The following CFAP61 variants were observed in gnomAD, a reference collection of about 807,000 sequenced individuals.
CFAP61 encodes cilia- and flagella-associated protein 61.
Under a neutral mutation model 135.6 loss-of-function variants are expected in CFAP61, and 107 were observed. The ratio of observed to expected loss-of-function variants is 0.79; its 90% CI spans 0.67 to 0.93. The LOEUF (loss-of-function observed/expected upper bound fraction) is 0.93, where lower values mean the gene tolerates loss of function less well. Among genes scored for constraint, CFAP61 ranks in the 40% least tolerant of loss-of-function variants. The pLI is 0.00. For missense variants in CFAP61, 1,507 were observed against 1,556.2 expected (o/e 0.97, Z 0.53); for synonymous variants, 575 against 578.5 (o/e 0.99, Z 0.09).
chr20:20,342,285 A>ATG lies in CFAP61; in HGVS notation c.3513+376_3513+377dup, dbSNP rs887046189. 3.9e-5 allele frequency among the ~76,000 whole-genome samples: 6 copies of ATG among 151,940 alleles called. 1 individual carries two copies. Among genetic ancestry groups the ATG allele is most frequent in the East Asian group, 3.9e-4 (2 of 5,184 alleles). ...TGTTTGCCAGCCATTTGCGGAACAT[A>ATG]TGTGTGTGTGTGTTCTTTTAAAGAT... is the stretch of plus-strand genomic sequence containing the variant. On this transcript the variant is annotated intron_variant, in intron 26 of 26. Coordinates refer to ENST00000245957, the MANE Select transcript of CFAP61 (RefSeq NM_015585.4).
chr20:20,295,387 A>G (rs1399187488), intron 24 of CFAP61, among the ~76,000 whole-genome samples: 2 of 152,164 alleles, frequency 1.3e-5, no homozygotes, highest in Admixed American at 6.5e-5. Context: ...GGCCTGGGGA[A>G]GCCTGGCAGA....
At chr20:20,191,620 A>G (rs2055927136) in intron 15 of CFAP61, among the ~76,000 whole-genome samples, 1 of 152,134 alleles carries the variant, frequency 6.6e-6, no homozygotes, top group African/African-American at 2.4e-5. Context: ...AATATTTAAT[A>G]TATTACAAAG....
chr20:20,313,528 C>T (rs1444384320), intron 25 of CFAP61, among the ~76,000 whole-genome samples: 2 of 152,174 alleles, frequency 1.3e-5, no homozygotes, highest in Admixed American at 6.5e-5. Context: ...CCACTGGACA[C>T]GTCTGTGTAG....
chr20:20,132,366 C>A (rs1210727731), intron 8 of CFAP61, among the ~76,000 whole-genome samples: 1 of 151,778 alleles, frequency 6.6e-6, no homozygotes, highest in African/African-American at 2.4e-5. Context: ...TTTTACTAGG[C>A]TTTAGTTTAA....
chr20:20,345,971 G>A (rs1007173931), intron 26 of CFAP61, among the ~76,000 whole-genome samples: 1 of 128,480 alleles, frequency 7.8e-6, no homozygotes, highest in East Asian at 2.5e-4. Flanking sequence ...GCGCAATCTC[G>A]GCTCACTGCA....
At chr20:20,252,054 T>G (rs527780320) in intron 20 of CFAP61, among the ~76,000 whole-genome samples, 20 of 152,364 alleles carry the variant, frequency 1.3e-4, no homozygotes, top group Admixed American at 3.9e-4. Flanking sequence ...TAACACATAC[T>G]GCTCGCCCTA....
At chr20:20,344,091 T>C (rs1360891052) in intron 26 of CFAP61, among the ~76,000 whole-genome samples, 1 of 152,170 alleles carries the variant, frequency 6.6e-6, no homozygotes, top group Non-Finnish European at 1.5e-5. Context: ...ATTTGCAGCA[T>C]TTCGTTTGTC....
intron 18 of CFAP61, 152 bp downstream of exon 18, chr20:20,228,528 T>C: frequency 1.6e-6 from 1 of 618,818 alleles, no homozygotes; most frequent in Admixed American, 2.7e-5. Context: ...TAGAAGAATA[T>C]TCTAGATCAG....
intron 15 of CFAP61, 123 bp downstream of exon 15, chr20:20,191,542 G>A: frequency 1.6e-6 from 1 of 607,882 alleles, no homozygotes; most frequent in South Asian, 2.4e-5. Flanking sequence ...TTTTTCTGAT[G>A]GATATCATCA....
chr20:20,223,712 A>G (rs2048547163), intron 17 of CFAP61, among the ~76,000 whole-genome samples: 1 of 152,222 alleles, frequency 6.6e-6, no homozygotes, highest in Admixed American at 6.5e-5. Context: ...CAATGAAATT[A>G]TATTTTGACC....
chr20:20,200,616 C>A, intron 17 of CFAP61: 1 of 753,816 alleles, frequency 1.3e-6, no homozygotes, highest in Non-Finnish European at 1.6e-6. Flanking sequence ...TGTTTGTATA[C>A]TCTTTCACTT....
intron 25 of CFAP61, among the ~76,000 whole-genome samples, chr20:20,308,922 A>C (rs997610407): frequency 6.6e-6 from 1 of 152,222 alleles, no homozygotes; most frequent in Non-Finnish European, 1.5e-5. Context: ...CTTTAAGGCT[A>C]CTAAGCTGCT....
At chr20:20,358,296 GA>G (rs2059349235) in intron 26 of CFAP61, among the ~76,000 whole-genome samples, 1 of 151,972 alleles carries the variant, frequency 6.6e-6, no homozygotes, top group South Asian at 2.1e-4. Context: ...CACTGTGAAA[GA>G]AGATGATCAC....
chr20:20,260,645 A>C (rs1417963507), intron 20 of CFAP61, among the ~76,000 whole-genome samples: 8 of 152,226 alleles, frequency 5.3e-5, no homozygotes, highest in Non-Finnish European at 1.0e-4. Context: ...GTAGTGAGCT[A>C]ATTTTCAATT....
intron 19 of CFAP61, among the ~76,000 whole-genome samples, chr20:20,247,357 G>A (rs1027937235): frequency 6.6e-6 from 1 of 152,218 alleles, no homozygotes; most frequent in Non-Finnish European, 1.5e-5. Flanking sequence ...TACCGAGGGG[G>A]CTTTCTGCAG....
rs749123658 is a variant in CFAP61, at chr20:20,085,360, A to G, written c.567-5484A>G. The G allele has an allele frequency of 7.8e-5, 102 of 1,311,498 alleles. 1 individual carries two copies. In the African/African-American group the frequency reaches 9.2e-4, roughly 12 times the overall value. 81.2% of individuals were successfully genotyped at this position (1,311,498 alleles called of 1,614,324 possible). A position where few individuals can be genotyped will look rare whatever the true frequency, so the allele number is the denominator to read the frequency against. ...TGAGACTATGTGAGGCTGATGTCAT[A>G]CTTTATCATTAGCACTCGGGCTGAT... On this transcript the variant is annotated intron_variant, in intron 6 of 26. Transcript: ENST00000245957.
intron 16 of CFAP61, among the ~76,000 whole-genome samples, chr20:20,198,644 T>C (rs1040582): frequency 0.11 from 17,486 of 152,208 alleles, 1,057 homozygotes; most frequent in Non-Finnish European, 0.13. Flanking sequence ...ATTATGGGGA[T>C]GGTTTTCTCT....
At chr20:20,130,138 A>T (rs1351782299) in intron 8 of CFAP61, among the ~76,000 whole-genome samples, 1 of 151,418 alleles carries the variant, frequency 6.6e-6, no homozygotes, top group Non-Finnish European at 1.5e-5. Flanking sequence ...AGATACAAAA[A>T]ATTAGCCGGG....
intron 6 of CFAP61, among the ~76,000 whole-genome samples, chr20:20,089,483 A>T (rs1006581448): frequency 1.3e-5 from 2 of 152,010 alleles, no homozygotes; most frequent in Non-Finnish European, 2.9e-5. Flanking sequence ...TGAAGATGGT[A>T]GCATAGTAAA....
Sources: gnomAD v4.1 joint callset for allele counts (sites outside exome capture counted in the v4.1 genomes callset) on GRCh38, gnomAD v4.1.1 for gene constraint, MANE v1.5 for transcripts, NCBI Gene and HGNC (gene_info 2026-07-23, HGNC 2026-07-21) for gene names.